The following COLEC12 variants were observed in gnomAD, a reference collection of about 807,000 sequenced individuals.
COLEC12 encodes the protein collectin subfamily member 12, also known as collectin-12.
COLEC12 carries 33 observed loss-of-function variants against 71.1 expected under a neutral mutation model. That is an observed-to-expected ratio of 0.46 (90% confidence interval 0.35 to 0.62). The LOEUF (loss-of-function observed/expected upper bound fraction) is 0.62, where lower values mean the gene tolerates loss of function less well. COLEC12 is among the 20% of genes least tolerant of loss of function. COLEC12 has a pLI of 0.00. For missense variants in COLEC12, 765 were observed against 916.1 expected, an observed-to-expected ratio of 0.84 and a Z score of 2.13; for synonymous variants, 350 against 353.0, an observed-to-expected ratio of 0.99 and a Z score of 0.10.
chr18:391,155 G>A (rs1915455660), intron 2 of COLEC12, among the ~76,000 whole-genome samples: 1 of 152,182 alleles, frequency 6.6e-6, no homozygotes. Context: ...TTAACGTGAG[G>A]AGGGCTATTG....
intron 5 of COLEC12, among the ~76,000 whole-genome samples, chr18:345,748 T>C (rs1016572269): frequency 3.3e-5 from 5 of 152,238 alleles, no homozygotes; most frequent in African/African-American, 9.6e-5. Flanking sequence ...CAACAAATAA[T>C]TAATGGAGTC....
At chr18:341,351 C>T (rs989479983) in intron 5 of COLEC12, among the ~76,000 whole-genome samples, 3 of 152,210 alleles carry the variant, frequency 2.0e-5, no homozygotes, top group Non-Finnish European at 4.4e-5. Flanking sequence ...TCAATAACTC[C>T]TCCCTTAAAG....
In COLEC12 at chr18:334,612, A is replaced by G. The variant is rs373147010; in HGVS notation, c.1816+130T>C. 5.3e-5 allele frequency: 40 copies of G among 750,492 alleles called. No homozygotes were observed. The African/African-American group carries it at 6.4e-4, about 12-fold the overall frequency. 46.5% of individuals were successfully genotyped at this position (750,492 alleles called of 1,614,324 possible). ...CACTGCACTCCAGCCTGGGCAACAG[A>G]GTGAGACCCTGTCTCAAAACAAAAA... On this transcript the variant is annotated intron_variant, in intron 6 of 9. Transcript: ENST00000400256.
chr18:334,712 C>T (rs778429772), intron 6 of COLEC12, 30 bp downstream of exon 6: 3 of 1,453,590 alleles, frequency 2.1e-6, no homozygotes, highest in South Asian at 1.6e-5. Context: ...CTGCCCTGTC[C>T]CCCTGGCTGG....
At chr18:454,074 C>T (rs530834787) in intron 2 of COLEC12, among the ~76,000 whole-genome samples, 36 of 152,306 alleles carry the variant, frequency 2.4e-4, no homozygotes, top group East Asian at 1.9e-3. Context: ...GAAACATATC[C>T]GTTCTCTAGT....
intron 2 of COLEC12, among the ~76,000 whole-genome samples, chr18:450,178 C>T (rs2143711638): frequency 6.6e-6 from 1 of 152,248 alleles, no homozygotes; most frequent in Non-Finnish European, 1.5e-5. Context: ...CTCTCGGCTT[C>T]CATAACACCA....
In COLEC12 at chr18:488,727, G is replaced by A. The variant is rs564248081; in HGVS notation, c.8-7970C>T. ...GTCTCTACTAAAAATACAAAAATTC[G>A]CTGGGCGTGCTGGTGTGCACCTGTA... is the stretch of plus-strand genomic sequence containing the variant. On this transcript the variant is annotated intron_variant, in intron 1 of 9. Transcript: ENST00000400256. 1.2e-3 allele frequency among the ~76,000 whole-genome samples: 179 copies of A among 151,810 alleles called. 1 individual carries two copies. Among genetic ancestry groups the A allele is most frequent in the African/African-American group, 4.1e-3 (171 of 41,394 alleles).
chr18:382,928 C>T (rs1915265526), intron 2 of COLEC12, among the ~76,000 whole-genome samples: 2 of 152,136 alleles, frequency 1.3e-5, no homozygotes, highest in African/African-American at 4.8e-5. Flanking sequence ...TTTATCATTT[C>T]TTTTTTTGTG....
Position 346,581 on chromosome 18 carries a change from A to G in COLEC12, c.1041T>C (p.Ile347=). ...GGTGGGCTGTGTAACTGATATTGCT[A>G]ATGATGTTCACAATATCCGTCTCAA... The part of the protein sequence containing the change: ...QLFETDIVNI[I]SNISYTAHHL... Residue 347 remains isoleucine (I), a synonymous_variant, in exon 5 of 10, where the codon ATT becomes ATC. Coordinates refer to ENST00000400256, the MANE Select transcript of COLEC12 (RefSeq NM_130386.3). This position sits in a 1 kb window ranked among gnomAD's most constrained non-coding sequence, Gnocchi z 4.0. 1 of 1,614,180 alleles carries G rather than the reference A, an allele frequency of 6.2e-7. No individual in the cohort carries two copies.
At chr18:376,996 C>T (rs1453697926) in intron 2 of COLEC12, among the ~76,000 whole-genome samples, 1 of 152,226 alleles carries the variant, frequency 6.6e-6, no homozygotes, top group Non-Finnish European at 1.5e-5. Flanking sequence ...GCACCCCTTC[C>T]CTTCCAACCT....
At chr18:431,337 G>C (rs1298968970) in intron 2 of COLEC12, among the ~76,000 whole-genome samples, 2 of 152,068 alleles carry the variant, frequency 1.3e-5, no homozygotes, top group African/African-American at 2.4e-5. Context: ...TACTGATGTG[G>C]GGTTTGGATC....
chr18:404,777 C>T (rs4099522), intron 2 of COLEC12, among the ~76,000 whole-genome samples: 14,943 of 152,154 alleles, frequency 0.098, 786 homozygotes, highest in Admixed American at 0.14. Context: ...TTGTAAAACA[C>T]GTATGTTTGA....
chr18:375,580 C>A (rs1915096221), intron 2 of COLEC12, among the ~76,000 whole-genome samples: 1 of 152,222 alleles, frequency 6.6e-6, no homozygotes, highest in Non-Finnish European at 1.5e-5. Flanking sequence ...TCACTGCAGC[C>A]TCAAACTCCT....
chr18:350,119 C>T (rs1254797125), intron 3 of COLEC12, among the ~76,000 whole-genome samples: 1 of 152,190 alleles, frequency 6.6e-6, no homozygotes, highest in African/African-American at 2.4e-5. Flanking sequence ...TGGCTGTATT[C>T]TCGCCCAAAT....
Position 334,834 on chromosome 18 carries a change from C to A in COLEC12, c.1724G>T (p.Gly575Val). The change falls in exon 6 of 10, where the codon GGC (glycine) becomes GTC (valine). Residue 575 changes from glycine to valine, a missense_variant. Physicochemically the swap from Gly to Val is moderately radical, Grantham distance 109 (BLOSUM62 -3). Coordinates refer to ENST00000400256, the MANE Select transcript of COLEC12 (RefSeq NM_130386.3). ...AGGAGGGCCGGGGGGGCCCTTGGGG[C>A]CTGGCATGCCTGGTACCCCAGGCAA... ...PGLPGVPGMP[G>V]PKGPPGPPGP... is the part of the protein sequence containing the mutation. 6.6e-7 allele frequency: 1 copy of A among 1,518,612 alleles called. No homozygotes were observed. Among genetic ancestry groups the A allele is most frequent in the Non-Finnish European group, 8.8e-7 (1 of 1,141,254 alleles). 94.1% of individuals were successfully genotyped at this position (1,518,612 alleles called of 1,614,324 possible).
chr18:493,021 A>G (rs1158813548), intron 1 of COLEC12, among the ~76,000 whole-genome samples: 1 of 152,160 alleles, frequency 6.6e-6, no homozygotes, highest in African/African-American at 2.4e-5. Flanking sequence ...TGAGCAACAT[A>G]GCAAAACCCT....
At chr18:490,498 C>T (rs995048004) in intron 1 of COLEC12, among the ~76,000 whole-genome samples, 6 of 152,188 alleles carry the variant, frequency 3.9e-5, no homozygotes, top group Non-Finnish European at 5.9e-5. Context: ...TAGGAAACTG[C>T]TGTTTTTCAG....
chr18:317,787 T>C lies in COLEC12; in HGVS notation c.*2258A>G, dbSNP rs1238797384. 1 of 152,170 alleles carries C rather than the reference T, an allele frequency of 6.6e-6. No individual in the cohort carries two copies. Among genetic ancestry groups the C allele is most frequent in the East Asian group, 1.9e-4 (1 of 5,162 alleles). 9.4% of individuals were successfully genotyped at this position (152,170 alleles called of 1,614,324 possible). The stretch of plus-strand genomic sequence containing the variant: ...AGGTGTTGGAATGCCGTGCCCGCCT[T>C]GTGGTGCAGGCTTCAGCAGTTTAGG... On this transcript the variant is annotated 3_prime_UTR_variant, in exon 10 of 10. Transcript: ENST00000400256.
chr18:473,586 C>T (rs1156313891), intron 2 of COLEC12, among the ~76,000 whole-genome samples: 1 of 152,114 alleles, frequency 6.6e-6, no homozygotes. Flanking sequence ...TAATCTCGAA[C>T]CCCTGACCTC....
Sources: allele counts gnomAD v4.1 joint callset (sites outside exome capture counted in the v4.1 genomes callset), GRCh38; gene constraint gnomAD v4.1.1; non-coding constraint Gnocchi (gnomAD v3.1); transcripts MANE v1.5; gene names NCBI Gene and HGNC (gene_info 2026-07-23, HGNC 2026-07-21).